The following TMPRSS4 variants were observed in gnomAD, a reference collection of about 807,000 sequenced individuals.
TMPRSS4 encodes the protein transmembrane protease serine 4.
A neutral mutation model predicts 56.4 loss-of-function variants in TMPRSS4; 45 were observed. That is an observed-to-expected ratio of 0.80 (90% CI 0.63 to 1.02). The LOEUF is 1.02. Ranked by LOEUF, TMPRSS4 falls within the 50% of genes least tolerant of loss-of-function variation. The pLI, the probability that TMPRSS4 is intolerant of heterozygous loss-of-function variation, is 0.00. For synonymous variants in TMPRSS4, 205 were observed against 211.0 expected, an observed-to-expected ratio of 0.97 and a Z score of 0.25; for missense variants, 546 against 556.7, an observed-to-expected ratio of 0.98 and a Z score of 0.19.
intron 7 of TMPRSS4, among the ~76,000 whole-genome samples, chr11:118,109,821 C>T (rs893335636): frequency 2.6e-5 from 4 of 152,256 alleles, no homozygotes; most frequent in African/African-American, 9.6e-5. Flanking sequence ...CATTCATTAT[C>T]GTATGCCCCC....
rs771257838 is a variant in TMPRSS4, at chr11:118,103,207, C to T, written c.264C>T (p.Asp88=). ...DGELDCPLGE[D]EEHCVKSFPE... Reference sequence around the variant, plus strand: ...AGCTGGACTGTCCCTTGGGGGAGGACGAGGAGCACTGTGTCAAGAGCTTCC... The same window carrying T: ...AGCTGGACTGTCCCTTGGGGGAGGATGAGGAGCACTGTGTCAAGAGCTTCC... Residue 88 remains aspartate (D), a synonymous_variant, in exon 4 of 13, where the codon GAC becomes GAT. Transcript: ENST00000437212. 32 of 1,614,020 alleles carry T rather than the reference C, an allele frequency of 2.0e-5. No homozygotes were observed. Among genetic ancestry groups the T allele is most frequent in the African/African-American group, 9.3e-5 (7 of 74,922 alleles).
intron 11 of TMPRSS4, among the ~76,000 whole-genome samples, chr11:118,116,962 C>T (rs1302837073): frequency 6.6e-6 from 1 of 152,136 alleles, no homozygotes; most frequent in Non-Finnish European, 1.5e-5. Context: ...TCACCCGCCT[C>T]AGCCTCCCAA....
intron 1 of TMPRSS4, among the ~76,000 whole-genome samples, chr11:118,088,533 C>T (rs1403075986): frequency 6.6e-6 from 1 of 152,238 alleles, no homozygotes; most frequent in Non-Finnish European, 1.5e-5. Flanking sequence ...GGGGCCTGGG[C>T]ATTCTTGCCC....
At chr11:118,123,415 G>A (rs1227791241), downstream of TMPRSS4, among the ~76,000 whole-genome samples, 1 of 152,198 alleles carries the variant, frequency 6.6e-6, no homozygotes, top group African/African-American at 2.4e-5. Flanking sequence ...ATAAGAATTA[G>A]AGGAACAAAT....
chr11:118,086,221 C>T (rs749780859), intron 1 of TMPRSS4, among the ~76,000 whole-genome samples: 2 of 152,194 alleles, frequency 1.3e-5, no homozygotes, highest in Non-Finnish European at 2.9e-5. Context: ...GAGCTATGCC[C>T]GAACACAAAA....
intron 1 of TMPRSS4, among the ~76,000 whole-genome samples, chr11:118,093,774 C>T (rs1165865768): frequency 6.6e-6 from 1 of 151,414 alleles, no homozygotes; most frequent in African/African-American, 2.4e-5. Flanking sequence ...AGAAGTTTTC[C>T]TATGTTCCAG....
intron 7 of TMPRSS4, 72 bp from the exon 8 acceptor site, chr11:118,111,669 G>T: frequency 7.5e-7 from 1 of 1,330,376 alleles, no homozygotes. Context: ...CAGATTTTGG[G>T]TGCTGAGTGG....
Position 118,111,882 on chromosome 11 carries a change from C to T in TMPRSS4, c.725C>T (p.Thr242Met), listed in dbSNP as rs776433961. The change falls in exon 8 of 13, where the codon ACG becomes ATG. Residue 242 changes from threonine to methionine, a missense_variant. By Grantham distance (81) the Thr-to-Met change is moderately conservative. Transcript: ENST00000437212. ...ATCCTGGACCCCCACTGGGTCCTCACGGCAGCCCACTGCTTCAGGTAAGAC... is the reference window on the plus strand; with the variant it reads ...ATCCTGGACCCCCACTGGGTCCTCATGGCAGCCCACTGCTTCAGGTAAGAC... ...GSILDPHWVLTAAHCFRKHTD... is the reference protein window; with the variant it reads ...GSILDPHWVLMAAHCFRKHTD... 10 of 1,608,532 alleles carry T rather than the reference C, an allele frequency of 6.2e-6. No homozygotes were observed. The highest frequency in any genetic ancestry group is 4.0e-5 in the African/African-American group (3 of 74,710).
chr11:118,086,286 G>A (rs958474774), intron 1 of TMPRSS4, among the ~76,000 whole-genome samples: 2 of 152,226 alleles, frequency 1.3e-5, no homozygotes, highest in African/African-American at 2.4e-5. Flanking sequence ...ATAATGGCAG[G>A]CTGCCTGACT....
chr11:118,104,895 T>C (rs1244758802), intron 5 of TMPRSS4, 75 bp downstream of exon 5: 5 of 1,441,404 alleles, frequency 3.5e-6, no homozygotes, highest in Non-Finnish European at 4.6e-6. Context: ...CCTCCCTTCT[T>C]CTCTCTTTCC....
Position 118,104,831 on chromosome 11 carries a change from T to G in TMPRSS4, c.440+11T>G. 6.4e-7 allele frequency: 1 copy of G among 1,565,062 alleles called. No individual in the cohort carries two copies. The highest frequency in any genetic ancestry group is 8.7e-7 in the Non-Finnish European group (1 of 1,154,510). Reference sequence around the variant, plus strand: ...GATGGGCTACAGCAGGTAACCAACCTGGGCCTCTCTCCTTTTTCCCTCCTT... The same window carrying G: ...GATGGGCTACAGCAGGTAACCAACCGGGGCCTCTCTCCTTTTTCCCTCCTT... On this transcript the variant is annotated intron_variant, in intron 5 of 12. Transcript: ENST00000437212.
At chr11:118,097,679 C>T (rs1442798883) in intron 2 of TMPRSS4, among the ~76,000 whole-genome samples, 1 of 152,154 alleles carries the variant, frequency 6.6e-6, no homozygotes, top group Non-Finnish European at 1.5e-5. Flanking sequence ...GTTATTATCA[C>T]CTCTGTTCTA....
rs1823868380 is a variant in TMPRSS4, at chr11:118,119,577, A to G, written c.*1664A>G. Reference sequence around the variant, plus strand: ...TGCAGAGTATTTGTATGTGCCAGACACTATTGTAAGTGCTTCATCATGTAC... The same window carrying G: ...TGCAGAGTATTTGTATGTGCCAGACGCTATTGTAAGTGCTTCATCATGTAC... On this transcript the variant is annotated 3_prime_UTR_variant, in exon 13 of 13. Transcript: ENST00000437212. The G allele has an allele frequency of 1.3e-5, 2 of 156,434 alleles. No individual in the cohort carries two copies. The allele number at this position is 156,434 out of a possible 1,614,324, so 9.7% of individuals were successfully genotyped here.
At chr11:118,108,946 A>C in intron 7 of TMPRSS4, 50 bp downstream of exon 7, 2 of 1,593,600 alleles carry the variant, frequency 1.3e-6, no homozygotes, top group Non-Finnish European at 1.7e-6. Flanking sequence ...AGCAATGAGC[A>C]GGGAGGAAGA....
At position 118,112,811 on chromosome 11, in the gene TMPRSS4, C is replaced by T. The variant is rs1007069509; in HGVS notation, c.744-458C>T. Among the ~76,000 whole-genome samples the T allele has an allele frequency of 6.4e-5, 9 of 140,998 alleles. No individual in the cohort carries two copies. In the East Asian group the frequency reaches 6.4e-4, roughly 10 times the overall value. The allele number at this position is 140,998 out of a possible 152,430, so 92.5% of individuals were successfully genotyped here. A position where few individuals can be genotyped will look rare whatever the true frequency, so the allele number is the denominator to read the frequency against. ...TCAAGGCACTCATGATCTAGGCCAGCGTTTTTTAACCACTTTTTTTTTTTT... is the reference window on the plus strand; with the variant it reads ...TCAAGGCACTCATGATCTAGGCCAGTGTTTTTTAACCACTTTTTTTTTTTT... On this transcript the variant is annotated intron_variant, in intron 8 of 12. Transcript: ENST00000437212.
At chr11:118,115,499 A>G (rs1947499847) in intron 11 of TMPRSS4, 1 of 551,302 alleles carries the variant, frequency 1.8e-6, no homozygotes, top group Admixed American at 3.1e-5. Flanking sequence ...AAGCAGAGAG[A>G]TTTCAAATGT....
At chr11:118,117,275 C>T (rs758886345) in intron 11 of TMPRSS4, 30 bp from the exon 12 acceptor site, 1 of 1,613,130 alleles carries the variant, frequency 6.2e-7, no homozygotes, top group Non-Finnish European at 8.5e-7. Flanking sequence ...ACCTGCCCTC[C>T]CCAGCAGTCT....
chr11:118,109,482 C>A (rs1049523762), intron 7 of TMPRSS4, among the ~76,000 whole-genome samples: 2 of 152,202 alleles, frequency 1.3e-5, no homozygotes, highest in African/African-American at 2.4e-5. Flanking sequence ...GCAGAGAGAG[C>A]TGGCCGGGGG....
chr11:118,078,441 A>C (rs538023789), intron 1 of TMPRSS4, among the ~76,000 whole-genome samples: 29 of 152,262 alleles, frequency 1.9e-4, no homozygotes, highest in African/African-American at 6.7e-4. Context: ...ACTTCCCACG[A>C]CACTCTTCTG....
Sources: allele counts gnomAD v4.1 joint callset (sites outside exome capture counted in the v4.1 genomes callset), GRCh38; gene constraint gnomAD v4.1.1; transcripts MANE v1.5; gene names NCBI Gene and HGNC (gene_info 2026-07-23, HGNC 2026-07-21).